The following PPP2R2A variants were observed in gnomAD, a reference collection of about 807,000 sequenced individuals.
PPP2R2A encodes the protein serine/threonine-protein phosphatase 2A 55 kDa regulatory subunit B alpha isoform.
Under a neutral mutation model 53.2 loss-of-function variants are expected in PPP2R2A, and 9 were observed. The ratio of observed to expected loss-of-function variants is 0.17; its 90% confidence interval spans 0.10 to 0.30. PPP2R2A has a LOEUF of 0.30. Among genes scored for constraint, PPP2R2A ranks in the 10% least tolerant of loss-of-function variants. PPP2R2A has a pLI of 1.00. For synonymous variants in PPP2R2A, 169 were observed against 174.2 expected, an observed-to-expected ratio of 0.97 and a Z score of 0.23; for missense variants, 235 against 534.6, an observed-to-expected ratio of 0.44 and a Z score of 5.53.
rs1805189517 is a variant in PPP2R2A, at chr8:26,362,994, T to TA, written c.802+146_802+147insA. The TA allele has an allele frequency of 6.0e-5, 41 of 681,804 alleles. No individual in the cohort carries two copies. In the South Asian group the frequency reaches 7.8e-4, roughly 13 times the overall value. The allele number at this position is 681,804 out of a possible 1,614,324, so 42.2% of individuals were successfully genotyped here. A position where few individuals can be genotyped will look rare whatever the true frequency, so the allele number is the denominator to read the frequency against. On this transcript the variant is annotated intron_variant, in intron 7 of 9. Coordinates refer to ENST00000380737, the MANE Select transcript of PPP2R2A (RefSeq NM_002717.4). This position sits in a 1 kb window ranked among gnomAD's most constrained non-coding sequence, Gnocchi z 4.4. ...TTGTACCCTTGGTAATCTGCCTACC[T>TA]CCTCATGAGGCATTCCAGGTTATTC...
intron 2 of PPP2R2A, among the ~76,000 whole-genome samples, chr8:26,300,862 G>T (rs1274822123): frequency 1.3e-5 from 2 of 152,050 alleles, no homozygotes; most frequent in Admixed American, 1.3e-4. Flanking sequence ...AAAAAGAAAA[G>T]AAAAGAAAAA....
Position 26,292,633 on chromosome 8 carries a change from C to A in PPP2R2A, c.7+807C>A, listed in dbSNP as rs530676443. On this transcript the variant is annotated intron_variant, in intron 1 of 9. Coordinates refer to ENST00000380737, the MANE Select transcript of PPP2R2A (RefSeq NM_002717.4). The stretch of plus-strand genomic sequence containing the variant: ...GAGGGGAAAGGATGTAGAGAGAAAA[C>A]CAGTTTGGAAATAAATTTAGCAAGG... Among the ~76,000 whole-genome samples the A allele has an allele frequency of 1.3e-5, 2 of 152,082 alleles. 1 individual carries two copies. Among genetic ancestry groups the A allele is most frequent in the African/African-American group, 4.8e-5 (2 of 41,490 alleles).
chr8:26,293,176 G>A, intron 1 of PPP2R2A: 1 of 1,454,342 alleles, frequency 6.9e-7, no homozygotes, highest in Non-Finnish European at 9.3e-7. Context: ...AAAGAAATGG[G>A]TGTAGTGTTT....
At position 26,338,217 on chromosome 8, in the gene PPP2R2A, GA is replaced by G. The variant is rs113060746; in HGVS notation, c.83-665del. Among the ~76,000 whole-genome samples the G allele has an allele frequency of 6.6e-6, 1 of 151,820 alleles. No individual in the cohort carries two copies. Among genetic ancestry groups the G allele is most frequent in the Non-Finnish European group, 1.5e-5 (1 of 67,964 alleles). On this transcript the variant is annotated intron_variant, in intron 2 of 9. Transcript: ENST00000380737. This position sits in a 1 kb window ranked among gnomAD's most constrained non-coding sequence, Gnocchi z 4.5. The stretch of plus-strand genomic sequence containing the variant: ...AAAGGGCTCTAGTGTGAAAAACCAA[GA>G]AAAAAAACTTGACAGTTTTCTTTGA...
In PPP2R2A at chr8:26,332,612, G is replaced by T. The variant is rs1803443667; in HGVS notation, c.83-6278G>T. On this transcript the variant is annotated intron_variant, in intron 2 of 9. Coordinates refer to ENST00000380737, the MANE Select transcript of PPP2R2A (RefSeq NM_002717.4). ...TCCTTTATTGGTTAATGCTTCATCT[G>T]TAGGGATTACAGTGCTTTCTCTTAG... Among the ~76,000 whole-genome samples, 3 of 152,216 alleles carry T rather than the reference G, an allele frequency of 2.0e-5. No homozygotes were observed. The South Asian group carries it at 6.2e-4, about 32-fold the overall frequency.
chr8:26,368,811 A>C (rs970934286), intron 9 of PPP2R2A, among the ~76,000 whole-genome samples: 1 of 152,070 alleles, frequency 6.6e-6, no homozygotes, highest in African/African-American at 2.4e-5. Context: ...TGTCTTGAAA[A>C]ATACATATAT....
intron 2 of PPP2R2A, among the ~76,000 whole-genome samples, chr8:26,310,081 G>A (rs1308685181): frequency 6.7e-6 from 1 of 149,182 alleles, no homozygotes; most frequent in African/African-American, 2.5e-5. Context: ...AAGATATCTA[G>A]ACCATCTTGG....
intron 1 of PPP2R2A, chr8:26,292,227 C>T (rs1801333467): frequency 5.8e-6 from 6 of 1,034,174 alleles, no homozygotes; most frequent in Non-Finnish European, 5.8e-6. Flanking sequence ...TTCTATTTTT[C>T]CCCCTGCTGC....
At chr8:26,327,949 T>G (rs529934716) in intron 2 of PPP2R2A, among the ~76,000 whole-genome samples, 1 of 152,352 alleles carries the variant, frequency 6.6e-6, no homozygotes, top group South Asian at 2.1e-4. Context: ...CCGGAATGTT[T>G]CGACAGTAGA....
At chr8:26,328,876 A>G (rs1267024667) in intron 2 of PPP2R2A, among the ~76,000 whole-genome samples, 1 of 152,196 alleles carries the variant, frequency 6.6e-6, no homozygotes, top group African/African-American at 2.4e-5. Context: ...ATGTTATGAT[A>G]ATCTCATTAC....
At chr8:26,293,182 TG>T in intron 1 of PPP2R2A, 1 of 1,486,736 alleles carries the variant, frequency 6.7e-7, no homozygotes, top group South Asian at 1.2e-5. Flanking sequence ...ATGGGTGTAG[TG>T]TTTGCTGTGT....
chr8:26,363,995 A>G (rs1805245109), intron 8 of PPP2R2A, 105 bp downstream of exon 8: 1 of 1,058,050 alleles, frequency 9.5e-7, no homozygotes, highest in East Asian at 2.5e-5. Context: ...GTGTTTGTTC[A>G]CCATTAGGCC....
intron 9 of PPP2R2A, among the ~76,000 whole-genome samples, chr8:26,369,329 G>A (rs1805546762): frequency 6.7e-6 from 1 of 150,152 alleles, no homozygotes; most frequent in Admixed American, 6.6e-5. Flanking sequence ...CGGGTTCAAG[G>A]GATTCTCCTG....
intron 3 of PPP2R2A, among the ~76,000 whole-genome samples, chr8:26,340,224 C>T (rs538801628): frequency 1.3e-5 from 2 of 151,932 alleles, no homozygotes; most frequent in African/African-American, 4.8e-5. Flanking sequence ...ATTATAATTT[C>T]ATTATAATTT....
At position 26,370,302 on chromosome 8, in the gene PPP2R2A, C is replaced by T. The variant is rs372679014; in HGVS notation, c.1233C>T (p.Asp411=). 5 of 1,614,056 alleles carry T rather than the reference C, an allele frequency of 3.1e-6. No individual in the cohort carries two copies. The South Asian group carries it at 3.3e-5, about 11-fold the overall frequency. ...GAAAGAAAGATGAAATAAGTGTTGA[C>T]AGCCTAGACTTCAATAAGAAAATCC... The part of the protein sequence containing the change: ...GKRKKDEISV[D]SLDFNKKILH... Residue 411 remains aspartate (D), a synonymous_variant, in exon 10 of 10, where the codon GAC becomes GAT. Coordinates refer to ENST00000380737, the MANE Select transcript of PPP2R2A (RefSeq NM_002717.4). This position sits in a 1 kb window ranked among gnomAD's most constrained non-coding sequence, Gnocchi z 6.1.
Position 26,354,677 on chromosome 8 carries a change from T to TA in PPP2R2A, c.346+44_346+45insA. The TA allele has an allele frequency of 7.0e-7, 1 of 1,427,894 alleles. No individual in the cohort carries two copies. 88.5% of individuals were successfully genotyped at this position (1,427,894 alleles called of 1,614,324 possible). ...TTTCCATGTGCCCACTGTGTGTACC[T>TA]GTTGCACATATCCTGTAGCCTAGGA... On this transcript the variant is annotated intron_variant, in intron 4 of 9. Coordinates refer to ENST00000380737, the MANE Select transcript of PPP2R2A (RefSeq NM_002717.4). This position sits in a 1 kb window ranked among gnomAD's most constrained non-coding sequence, Gnocchi z 4.6.
At chr8:26,297,028 C>T (rs183846331) in intron 2 of PPP2R2A, among the ~76,000 whole-genome samples, 27 of 152,222 alleles carry the variant, frequency 1.8e-4, no homozygotes, top group African/African-American at 6.0e-4. Context: ...AATGGAATAA[C>T]AAGAGTGGAT....
intron 2 of PPP2R2A, among the ~76,000 whole-genome samples, chr8:26,297,628 G>T (rs1801600708): frequency 6.6e-6 from 1 of 152,130 alleles, no homozygotes; most frequent in Non-Finnish European, 1.5e-5. Context: ...TATCATTTCT[G>T]TGGTCATCTC....
intron 3 of PPP2R2A, among the ~76,000 whole-genome samples, chr8:26,353,299 T>C (rs1046297157): frequency 2.0e-5 from 3 of 152,198 alleles, no homozygotes; most frequent in Non-Finnish European, 2.9e-5. Flanking sequence ...TGCCCTCTAA[T>C]AACTGATAAC....
Sources: allele counts gnomAD v4.1 joint callset (sites outside exome capture counted in the v4.1 genomes callset), GRCh38; gene constraint gnomAD v4.1.1; non-coding constraint Gnocchi (gnomAD v3.1); transcripts MANE v1.5; gene names NCBI Gene and HGNC (gene_info 2026-07-23, HGNC 2026-07-21).